SAMD12: variants seen among roughly 807,000 people sequenced by gnomAD.
The protein encoded by SAMD12 is sterile alpha motif domain containing 12.
SAMD12 carries 9 observed loss-of-function variants against 15.0 expected under a neutral mutation model. The ratio of observed to expected loss-of-function variants is 0.60; its 90% CI spans 0.36 to 1.05. The LOEUF (loss-of-function observed/expected upper bound fraction) is 1.05. Ranked by LOEUF, SAMD12 falls within the 50% of genes least tolerant of loss-of-function variation. SAMD12 has a pLI of 0.01. For missense variants in SAMD12, 230 were observed against 234.2 expected, an observed-to-expected ratio of 0.98 and a Z score of 0.12; for synonymous variants, 86 against 90.1, an observed-to-expected ratio of 0.96 and a Z score of 0.25.
intron 2 of SAMD12, among the ~76,000 whole-genome samples, chr8:118,528,263 C>T (rs1013033092): frequency 3.3e-5 from 5 of 152,142 alleles, no homozygotes; most frequent in Non-Finnish European, 1.5e-5. Flanking sequence ...AACTCCTGAC[C>T]TCAGGTGATC....
chr8:118,379,562 T>C lies in SAMD12; in HGVS notation c.461A>G (p.Gln154Arg). The C allele has an allele frequency of 6.2e-7, 1 of 1,613,906 alleles. No homozygotes were observed. The highest frequency in any genetic ancestry group is 1.7e-5 in the Admixed American group (1 of 59,974). Residue 154 changes from glutamine (Q) to arginine (R), a missense_variant, in exon 4 of 4, where the codon CAA (glutamine) becomes CGA (arginine). Gln to Arg is a conservative substitution (Grantham distance 43, BLOSUM62 1). Coordinates refer to ENST00000314727, the MANE Select transcript of SAMD12 (RefSeq NM_207506.3). ...EEVRNLQLLT[Q>R]GTLLLPDGWM... Reference sequence around the variant, plus strand: ...CCCATCAGGAAGCAATAGGGTACCTTGTGTGAGTAACTGTAGATTTCTGAC... The same window carrying C: ...CCCATCAGGAAGCAATAGGGTACCTCGTGTGAGTAACTGTAGATTTCTGAC...
chr8:118,379,808 C>T (rs1476064363), intron 3 of SAMD12, 108 bp from the exon 4 acceptor site: 24 of 1,373,288 alleles, frequency 1.7e-5, no homozygotes, highest in Non-Finnish European at 2.1e-5. Context: ...TCTACCTAAA[C>T]ACAGACATTT....
chr8:118,323,524 G>A (rs1196037673), intron 4 of SAMD12, among the ~76,000 whole-genome samples: 1 of 152,114 alleles, frequency 6.6e-6, no homozygotes, highest in Non-Finnish European at 1.5e-5. Flanking sequence ...CACTTTGGGA[G>A]GCCGAGTTGG....
intron 3 of SAMD12, among the ~76,000 whole-genome samples, chr8:118,393,292 G>A (rs1404689191): frequency 1.3e-5 from 2 of 152,068 alleles, no homozygotes; most frequent in Non-Finnish European, 2.9e-5. Context: ...GTCTCACCAC[G>A]GCAATCTTCC....
At chr8:118,404,284 G>C (rs1214944829) in intron 3 of SAMD12, among the ~76,000 whole-genome samples, 2 of 152,154 alleles carry the variant, frequency 1.3e-5, no homozygotes, top group South Asian at 2.1e-4. Flanking sequence ...ATGCCTAGCT[G>C]ATTTTTGTTA....
At chr8:118,464,977 A>G (rs1823548833) in intron 2 of SAMD12, among the ~76,000 whole-genome samples, 1 of 152,188 alleles carries the variant, frequency 6.6e-6, no homozygotes, top group African/African-American at 2.4e-5. Flanking sequence ...GTGGAGTTGA[A>G]GCAGAGGCAA....
the SAMD12 span, among the ~76,000 whole-genome samples, chr8:118,163,059 C>A: frequency 1.3e-5 from 2 of 152,070 alleles, no homozygotes; most frequent in Non-Finnish European, 2.9e-5. Flanking sequence ...TAACCTCCTG[C>A]CATTTTTTAA....
At chr8:118,484,011 A>T (rs1418652823) in intron 2 of SAMD12, among the ~76,000 whole-genome samples, 1 of 152,204 alleles carries the variant, frequency 6.6e-6, no homozygotes, top group East Asian at 1.9e-4. Context: ...TATGAAGTTC[A>T]TTCTAGTGGA....
intron 2 of SAMD12, among the ~76,000 whole-genome samples, chr8:118,538,549 A>G (rs186424440): frequency 1.0e-3 from 155 of 152,188 alleles, no homozygotes; most frequent in Non-Finnish European, 1.7e-3. Context: ...CTGAGTTCCA[A>G]TGTAAAGTCC....
chr8:118,306,931 G>C (rs34008405), intron 4 of SAMD12, among the ~76,000 whole-genome samples: 73,993 of 152,088 alleles, frequency 0.49, 20,817 homozygotes, highest in African/African-American at 0.79. Context: ...TTCCTTTTAA[G>C]AGCTTCTGCT....
intron 3 of SAMD12, among the ~76,000 whole-genome samples, chr8:118,425,300 T>C (rs1822195843): frequency 8.5e-5 from 13 of 152,128 alleles, no homozygotes; most frequent in Admixed American, 8.5e-4. Context: ...CATCTCCAAT[T>C]TTGCAATCTG....
intron 4 of SAMD12, among the ~76,000 whole-genome samples, chr8:118,222,312 A>C (rs111389255): frequency 4.6e-4 from 70 of 152,284 alleles, no homozygotes; most frequent in African/African-American, 1.6e-3. Flanking sequence ...GCAGAATGTC[A>C]TAGTGGAAAG....
At chr8:118,276,957 G>A (rs192564229) in intron 4 of SAMD12, among the ~76,000 whole-genome samples, 8 of 152,226 alleles carry the variant, frequency 5.3e-5, no homozygotes, top group Admixed American at 4.6e-4. Flanking sequence ...ATAGGTGTGC[G>A]CCACTCACAC....
chr8:118,279,353 GA>G (rs566256676), intron 4 of SAMD12, among the ~76,000 whole-genome samples: 1 of 150,840 alleles, frequency 6.6e-6, no homozygotes, highest in African/African-American at 2.4e-5. Context: ...GAATACACAT[GA>G]AAAAAAAATA....
chr8:118,476,111 CA>C (rs575501352), intron 2 of SAMD12, among the ~76,000 whole-genome samples: 3 of 152,154 alleles, frequency 2.0e-5, no homozygotes, highest in Non-Finnish European at 4.4e-5. Context: ...CCCCAAACAT[CA>C]AGAGAATTGT....
intron 2 of SAMD12, among the ~76,000 whole-genome samples, chr8:118,576,397 T>C (rs1254687116): frequency 1.3e-5 from 2 of 152,224 alleles, no homozygotes; most frequent in South Asian, 2.1e-4. Flanking sequence ...CCCAGCCTAT[T>C]GTTCCAGACT....
intron 2 of SAMD12, among the ~76,000 whole-genome samples, chr8:118,527,424 T>C (rs745871665): frequency 3.3e-5 from 5 of 152,230 alleles, no homozygotes; most frequent in Non-Finnish European, 7.3e-5. Context: ...ATATTTACCA[T>C]GGATCAAGCC....
chr8:118,391,607 G>A (rs1173650784), intron 3 of SAMD12, among the ~76,000 whole-genome samples: 1 of 152,150 alleles, frequency 6.6e-6, no homozygotes, highest in Non-Finnish European at 1.5e-5. Context: ...ATCAATTTGA[G>A]CCAGTACCTA....
chr8:118,266,391 G>A (rs897809669), intron 4 of SAMD12, among the ~76,000 whole-genome samples: 1 of 152,118 alleles, frequency 6.6e-6, no homozygotes, highest in East Asian at 1.9e-4. Flanking sequence ...ACTGTTGGTG[G>A]GGATGTAAAT....
Sources: allele counts gnomAD v4.1 joint callset (sites outside exome capture counted in the v4.1 genomes callset), GRCh38; gene constraint gnomAD v4.1.1; transcripts MANE v1.5; gene names NCBI Gene and HGNC (gene_info 2026-07-23, HGNC 2026-07-21).